Variants in EIF3J observed in about 807,000 individuals in gnomAD.
EIF3J encodes the protein eukaryotic translation initiation factor 3, subunit 1 (alpha, 35kD).
In EIF3J, 15 loss-of-function variants were observed where a neutral mutation model predicts 39.0. The ratio of observed to expected loss-of-function variants is 0.38; its 90% CI spans 0.26 to 0.59. The LOEUF (loss-of-function observed/expected upper bound fraction) is 0.59, where lower values mean the gene tolerates loss of function less well. Among genes scored for constraint, EIF3J ranks in the 20% least tolerant of loss-of-function variants. The pLI, the probability that EIF3J is intolerant of heterozygous loss-of-function variation, is 0.60. For synonymous variants in EIF3J, 98 were observed against 112.9 expected (o/e 0.87, Z 0.84); for missense variants, 226 against 308.6 (o/e 0.73, Z 2.00).
intron 6 of EIF3J, 131 bp downstream of exon 6, chr15:44,557,781 A>C: frequency 5.0e-6 from 3 of 597,104 alleles, no homozygotes; most frequent in Non-Finnish European, 5.0e-6. Context: ...TTTAGCAATT[A>C]CCTTGTGAAT....
chr15:44,539,305 C>T (rs890210359), intron 2 of EIF3J, among the ~76,000 whole-genome samples: 2 of 152,098 alleles, frequency 1.3e-5, no homozygotes, highest in African/African-American at 2.4e-5. Flanking sequence ...GAATTATAGG[C>T]GTGAGCTACC....
At chr15:44,553,785 G>A (rs940676700) in intron 4 of EIF3J, among the ~76,000 whole-genome samples, 3 of 151,990 alleles carry the variant, frequency 2.0e-5, no homozygotes, top group Non-Finnish European at 4.4e-5. Context: ...TATTTCTTAA[G>A]GTAAATACCT....
At chr15:44,540,055 C>T (rs1316446185) in intron 2 of EIF3J, among the ~76,000 whole-genome samples, 1 of 150,184 alleles carries the variant, frequency 6.7e-6, no homozygotes, top group African/African-American at 2.4e-5. Flanking sequence ...TTCTCTGCCT[C>T]AGCCTCCCGA....
At chr15:44,544,181 C>T (rs1235336877) in intron 2 of EIF3J, among the ~76,000 whole-genome samples, 2 of 148,994 alleles carry the variant, frequency 1.3e-5, no homozygotes, top group Non-Finnish European at 3.0e-5. Context: ...GCAACCTCTG[C>T]CTCCCGGGTT....
intron 5 of EIF3J, among the ~76,000 whole-genome samples, chr15:44,555,802 AATCTACTTGAC>A (rs1195440269): frequency 6.6e-6 from 1 of 152,198 alleles, no homozygotes; most frequent in Non-Finnish European, 1.5e-5. Flanking sequence ...GTTAATAACT[AATCTACTTGAC>A]ATGGAGGATA....
At chr15:44,549,781 A>AAAC (rs1422523442) in intron 2 of EIF3J, among the ~76,000 whole-genome samples, 3 of 150,164 alleles carry the variant, frequency 2.0e-5, no homozygotes, top group East Asian at 1.9e-4. Flanking sequence ...AAAAAAAAAA[A>AAAC]AAAAAAAAAC....
chr15:44,540,257 ATATATATATATT>A (rs1247426178), intron 2 of EIF3J, among the ~76,000 whole-genome samples: 1 of 54,472 alleles, frequency 1.8e-5, no homozygotes, highest in African/African-American at 5.4e-5. Context: ...ATATATATAT[ATATATATATATT>A]TTTTTTTTTT....
chr15:44,556,763 AG>A (rs1397499010), intron 5 of EIF3J, among the ~76,000 whole-genome samples: 3 of 151,984 alleles, frequency 2.0e-5, no homozygotes, highest in Non-Finnish European at 2.9e-5. Flanking sequence ...CGGCCTGCCT[AG>A]GCCTCCCAAA....
intron 2 of EIF3J, among the ~76,000 whole-genome samples, chr15:44,547,458 T>TC (rs1224116998): frequency 6.8e-6 from 1 of 146,354 alleles, no homozygotes; most frequent in African/African-American, 2.6e-5. Flanking sequence ...TTTTTTTTTT[T>TC]TTTTTTGAGA....
chr15:44,551,356 C>G (rs2082097564), intron 3 of EIF3J, 75 bp from the exon 4 acceptor site: 2 of 953,032 alleles, frequency 2.1e-6, no homozygotes, highest in African/African-American at 3.3e-5. Context: ...TAATAGTATA[C>G]AAGTATCATG....
At chr15:44,547,638 C>G (rs1390708011) in intron 2 of EIF3J, among the ~76,000 whole-genome samples, 1 of 151,706 alleles carries the variant, frequency 6.6e-6, no homozygotes, top group Non-Finnish European at 1.5e-5. Context: ...TTAGTAGAGA[C>G]AGGGTTTCAC....
chr15:44,549,727 T>C (rs2082082713), intron 2 of EIF3J, among the ~76,000 whole-genome samples: 1 of 128,330 alleles, frequency 7.8e-6, no homozygotes, highest in South Asian at 2.4e-4. Context: ...AGATCGTCCC[T>C]GTATTCCAGC....
chr15:44,546,182 C>T lies in EIF3J; in HGVS notation c.148-4694C>T, dbSNP rs1247597872. On this transcript the variant is annotated intron_variant, in intron 2 of 7. Transcript: ENST00000261868. Reference sequence around the variant, plus strand: ...TGATGTATAGCACTTAGCAAACTAACGGCGAAATACAAACGTTTGATCTCT... The same window carrying T: ...TGATGTATAGCACTTAGCAAACTAATGGCGAAATACAAACGTTTGATCTCT... Among the ~76,000 whole-genome samples, 7 of 152,266 alleles carry T rather than the reference C, an allele frequency of 4.6e-5. No homozygotes were observed. The South Asian group carries it at 6.2e-4, about 14-fold the overall frequency.
intron 2 of EIF3J, among the ~76,000 whole-genome samples, chr15:44,540,567 C>G (rs2082006659): frequency 6.6e-6 from 1 of 151,850 alleles, no homozygotes; most frequent in Non-Finnish European, 1.5e-5. Context: ...GCCACTGCAC[C>G]TGGCCTATTT....
chr15:44,547,640 G>A (rs1345755880), intron 2 of EIF3J, among the ~76,000 whole-genome samples: 1 of 151,774 alleles, frequency 6.6e-6, no homozygotes, highest in African/African-American at 2.4e-5. Flanking sequence ...AGTAGAGACA[G>A]GGTTTCACTA....
At chr15:44,556,306 T>G (rs1197754974) in intron 5 of EIF3J, among the ~76,000 whole-genome samples, 9 of 152,186 alleles carry the variant, frequency 5.9e-5, no homozygotes, top group Admixed American at 1.3e-4. Context: ...GGGGTGTTCT[T>G]GGACAAGAAC....
intron 4 of EIF3J, 67 bp downstream of exon 4, chr15:44,551,589 A>G (rs947397085): frequency 6.6e-6 from 8 of 1,218,934 alleles, no homozygotes; most frequent in African/African-American, 1.5e-5. Context: ...ACAGGCTGCA[A>G]ATATTACCTA....
chr15:44,539,701 C>A (rs1331016400), intron 2 of EIF3J, among the ~76,000 whole-genome samples: 1 of 151,488 alleles, frequency 6.6e-6, no homozygotes, highest in Non-Finnish European at 1.5e-5. Context: ...CACCCGGCCC[C>A]AGTTGCTGTT....
Position 44,557,650 on chromosome 15 carries a change from T to C in EIF3J, c.571T>C (p.Leu191=), listed in dbSNP as rs765779384. ...CTTAGTTCGAGATGTGTGTATTTCA[T>C]GTAAGTAATTCTAATTTCTAGCCCC... ...EVLVRDVCIS[L]EIDDLKKITN... The change falls in exon 6 of 8, where the codon TTG becomes CTG. Residue 191 remains leucine, a splice_region_variant and synonymous_variant. Coordinates refer to ENST00000261868, the MANE Select transcript of EIF3J (RefSeq NM_003758.4). The C allele has an allele frequency of 1.2e-5, 18 of 1,465,020 alleles. No individual in the cohort carries two copies. The highest frequency in any genetic ancestry group is 3.1e-5 in the South Asian group (2 of 64,656). The allele number at this position is 1,465,020 out of a possible 1,614,324, so 90.8% of individuals were successfully genotyped here. A position where few individuals can be genotyped will look rare whatever the true frequency, so the allele number is the denominator to read the frequency against.
Sources: gnomAD v4.1 joint callset for allele counts (sites outside exome capture counted in the v4.1 genomes callset) on GRCh38, gnomAD v4.1.1 for gene constraint, MANE v1.5 for transcripts, NCBI Gene and HGNC (gene_info 2026-07-23, HGNC 2026-07-21) for gene names.